Variants in AKAP6 observed in about 807,000 individuals in gnomAD.
AKAP6 encodes the protein A-kinase anchoring protein 6, also known as A-kinase anchor protein 6.
Under a neutral mutation model 188.5 loss-of-function variants are expected in AKAP6, and 58 were observed. The ratio of observed to expected loss-of-function variants is 0.31; its 90% confidence interval spans 0.25 to 0.38. The LOEUF (loss-of-function observed/expected upper bound fraction) is 0.38, where lower values mean the gene tolerates loss of function less well. AKAP6 is among the 10% of genes least tolerant of loss of function. AKAP6 has a pLI of 1.00. For missense variants in AKAP6, 2,710 were observed against 2,740.0 expected (o/e 0.99, Z 0.24); for synonymous variants, 989 against 998.6 (o/e 0.99, Z 0.18).
Position 32,823,501 on chromosome 14 carries a change from T to C in AKAP6, c.5688T>C (p.Asn1896=). ...NKDPYVADME[N]GNIEGIPERQ... Reference sequence around the variant, plus strand: ...ATCCATATGTGGCTGACATGGAAAATGGCAATATTGAAGGTATTCCAGAAA... The same window carrying C: ...ATCCATATGTGGCTGACATGGAAAACGGCAATATTGAAGGTATTCCAGAAA... The change falls in exon 13 of 14, where the codon AAT becomes AAC. Residue 1896 remains asparagine (N), a synonymous_variant. Coordinates refer to ENST00000280979, the MANE Select transcript of AKAP6 (RefSeq NM_004274.5). 6.2e-7 allele frequency: 1 copy of C among 1,613,680 alleles called. No individual in the cohort carries two copies. The highest frequency in any genetic ancestry group is 8.5e-7 in the Non-Finnish European group (1 of 1,179,854).
chr14:32,800,122 A>G (rs979369393), intron 12 of AKAP6, among the ~76,000 whole-genome samples: 2 of 143,808 alleles, frequency 1.4e-5, no homozygotes, highest in African/African-American at 5.1e-5. Context: ...ATACACATAT[A>G]TATACACACA....
At chr14:32,783,187 G>A (rs933146035) in intron 12 of AKAP6, among the ~76,000 whole-genome samples, 1 of 151,948 alleles carries the variant, frequency 6.6e-6, no homozygotes, top group East Asian at 1.9e-4. Flanking sequence ...AATGATCCTG[G>A]AACAATTGAA....
intron 7 of AKAP6, among the ~76,000 whole-genome samples, chr14:32,670,290 T>C (rs1042459706): frequency 6.6e-6 from 1 of 151,960 alleles, no homozygotes; most frequent in African/African-American, 2.4e-5. Context: ...CAATTCAAGA[T>C]GAGATTTAGG....
At chr14:32,794,963 A>G (rs904397206) in intron 12 of AKAP6, among the ~76,000 whole-genome samples, 1 of 152,180 alleles carries the variant, frequency 6.6e-6, no homozygotes, top group African/African-American at 2.4e-5. Flanking sequence ...GCATATTACC[A>G]CTGACCCCAC....
At chr14:32,566,038 C>T (rs1434563165) in intron 4 of AKAP6, among the ~76,000 whole-genome samples, 2 of 152,216 alleles carry the variant, frequency 1.3e-5, no homozygotes. Flanking sequence ...GAGGTTCTCA[C>T]AGTATGGTCT....
intron 8 of AKAP6, among the ~76,000 whole-genome samples, chr14:32,680,898 A>G (rs1288613694): frequency 6.6e-6 from 1 of 152,218 alleles, no homozygotes; most frequent in Admixed American, 6.5e-5. Context: ...CCCTGAACGT[A>G]TGTGAGGCTG....
At chr14:32,720,681 CT>C (rs1427349479) in intron 9 of AKAP6, among the ~76,000 whole-genome samples, 1 of 151,956 alleles carries the variant, frequency 6.6e-6, no homozygotes, top group Non-Finnish European at 1.5e-5. Flanking sequence ...TTAGAAAATT[CT>C]AAATTAAGTA....
At chr14:32,793,765 T>C (rs1487089136) in intron 12 of AKAP6, among the ~76,000 whole-genome samples, 1 of 151,090 alleles carries the variant, frequency 6.6e-6, no homozygotes, top group Non-Finnish European at 1.5e-5. Context: ...AAGAAGGGCA[T>C]TAAATAATGG....
At chr14:32,697,573 T>C (rs1049053996) in intron 9 of AKAP6, among the ~76,000 whole-genome samples, 2 of 152,156 alleles carry the variant, frequency 1.3e-5, no homozygotes, top group African/African-American at 4.8e-5. Flanking sequence ...GACTTAAGTA[T>C]TAAGAATTGA....
At chr14:32,757,610 T>G (rs2032386388) in intron 11 of AKAP6, among the ~76,000 whole-genome samples, 1 of 152,240 alleles carries the variant, frequency 6.6e-6, no homozygotes, top group African/African-American at 2.4e-5. Flanking sequence ...AGTAGAGATA[T>G]TTTTAATTTA....
At chr14:32,764,643 A>T (rs546800122) in intron 11 of AKAP6, among the ~76,000 whole-genome samples, 1 of 152,222 alleles carries the variant, frequency 6.6e-6, no homozygotes, top group South Asian at 2.1e-4. Flanking sequence ...TCAGCTACTT[A>T]ACCACTCTGT....
chr14:32,567,458 A>G (rs1332547021), intron 4 of AKAP6, among the ~76,000 whole-genome samples: 1 of 152,124 alleles, frequency 6.6e-6, no homozygotes, highest in Non-Finnish European at 1.5e-5. Flanking sequence ...GCCGCCCTGA[A>G]GCTCTCTGGT....
chr14:32,525,107 AT>A (rs963584180), intron 2 of AKAP6, among the ~76,000 whole-genome samples: 20 of 152,178 alleles, frequency 1.3e-4, no homozygotes, highest in Non-Finnish European at 1.8e-4. Context: ...CACAGCCATG[AT>A]TTTTTTAGTG....
At chr14:32,369,290 C>T (rs1224675106) in intron 1 of AKAP6, among the ~76,000 whole-genome samples, 1 of 152,054 alleles carries the variant, frequency 6.6e-6, no homozygotes, top group Non-Finnish European at 1.5e-5. Context: ...TACAGTGTGG[C>T]ACCAAAAAAA....
chr14:32,575,826 A>G (rs1173886352), intron 4 of AKAP6, among the ~76,000 whole-genome samples: 1 of 152,160 alleles, frequency 6.6e-6, no homozygotes. Context: ...CTATCTAAAC[A>G]GGTTGGCAAC....
intron 11 of AKAP6, among the ~76,000 whole-genome samples, chr14:32,744,739 A>T (rs146546612): frequency 2.0e-5 from 3 of 151,998 alleles, no homozygotes; most frequent in African/African-American, 7.2e-5. Context: ...AAGGCCAATA[A>T]CTCTTAGATT....
chr14:32,562,886 A>G (rs1259953869), intron 4 of AKAP6, among the ~76,000 whole-genome samples: 3 of 152,164 alleles, frequency 2.0e-5, no homozygotes, highest in Non-Finnish European at 4.4e-5. Flanking sequence ...TATTACATCT[A>G]AAGTTTTATA....
At chr14:32,430,791 G>A (rs948910831) in intron 1 of AKAP6, among the ~76,000 whole-genome samples, 4 of 152,096 alleles carry the variant, frequency 2.6e-5, no homozygotes, top group African/African-American at 9.7e-5. Flanking sequence ...GCAGTGGGTC[G>A]ATTAATAATT....
chr14:32,643,229 T>C lies in AKAP6; in HGVS notation c.2731-35082T>C, dbSNP rs766563696. Among the ~76,000 whole-genome samples, 38 of 152,180 alleles carry C rather than the reference T, an allele frequency of 2.5e-4. 1 individual carries two copies. The highest frequency in any genetic ancestry group is 1.8e-3 in the Admixed American group (28 of 15,262). ...AACCCATCTACCAGGATGGATATTATCTTGAGAAAGGTATTCTGTTTGCCA... is the reference window on the plus strand; with the variant it reads ...AACCCATCTACCAGGATGGATATTACCTTGAGAAAGGTATTCTGTTTGCCA... On this transcript the variant is annotated intron_variant, in intron 7 of 13. Transcript: ENST00000280979.
Sources: allele counts gnomAD v4.1 joint callset (sites outside exome capture counted in the v4.1 genomes callset), GRCh38; gene constraint gnomAD v4.1.1; transcripts MANE v1.5; gene names NCBI Gene and HGNC (gene_info 2026-07-23, HGNC 2026-07-21).